The following CSMD1 variants were observed in gnomAD, a reference collection of about 807,000 sequenced individuals.
CSMD1 encodes the protein CUB and sushi domain-containing protein 1.
A neutral mutation model predicts 417.5 loss-of-function variants in CSMD1; 213 were observed. The ratio of observed to expected loss-of-function variants is 0.51; its 90% CI spans 0.46 to 0.57. CSMD1 has a LOEUF of 0.57. Ranked by LOEUF, CSMD1 falls within the 20% of genes least tolerant of loss-of-function variation. The pLI, the probability that CSMD1 is intolerant of heterozygous loss-of-function variation, is 0.00. For missense variants in CSMD1, 6,923 were observed against 4,529.7 expected (o/e 1.53, Z -15.17); for synonymous variants, 2,862 against 1,736.8 (o/e 1.65, Z -16.11).
intron 23 of CSMD1, among the ~76,000 whole-genome samples, chr8:3,317,014 G>C (rs1805816650): frequency 1.3e-5 from 2 of 152,108 alleles, no homozygotes; most frequent in South Asian, 4.1e-4. Flanking sequence ...GATGAAGCAT[G>C]CACAAATACT....
At chr8:3,620,044 G>C (rs894275420) in intron 7 of CSMD1, among the ~76,000 whole-genome samples, 2 of 152,160 alleles carry the variant, frequency 1.3e-5, no homozygotes, top group African/African-American at 2.4e-5. Flanking sequence ...AGATGTTGCA[G>C]TGAGCTGAGA....
intron 5 of CSMD1, among the ~76,000 whole-genome samples, chr8:3,909,708 G>T (rs1012917615): frequency 6.6e-6 from 1 of 152,060 alleles, no homozygotes; most frequent in Admixed American, 6.6e-5. Flanking sequence ...AAATTCTTGC[G>T]GCTTGTGTAG....
intron 33 of CSMD1, among the ~76,000 whole-genome samples, chr8:3,190,679 G>A (rs1585607344): frequency 6.6e-6 from 1 of 152,082 alleles, no homozygotes; most frequent in Admixed American, 6.6e-5. Context: ...GAGAAAAATC[G>A]GTACTCTCAC....
intron 26 of CSMD1, among the ~76,000 whole-genome samples, chr8:3,276,877 C>T (rs1282275169): frequency 6.6e-6 from 1 of 152,100 alleles, no homozygotes; most frequent in Non-Finnish European, 1.5e-5. Flanking sequence ...TCTAGGAAAA[C>T]AAAGACCATC....
At chr8:4,077,949 C>G (rs890378893) in intron 3 of CSMD1, among the ~76,000 whole-genome samples, 1 of 152,108 alleles carries the variant, frequency 6.6e-6, no homozygotes, top group African/African-American at 2.4e-5. Flanking sequence ...CATACCCATA[C>G]TCGCCCTGCA....
chr8:4,120,094 G>C (rs35664516), intron 3 of CSMD1, among the ~76,000 whole-genome samples: 23,601 of 152,118 alleles, frequency 0.16, 2,016 homozygotes, highest in South Asian at 0.3. Flanking sequence ...AAATGCTTGA[G>C]GGGATGGACA....
At chr8:3,286,293 G>A (rs1171048809) in intron 25 of CSMD1, among the ~76,000 whole-genome samples, 1 of 152,142 alleles carries the variant, frequency 6.6e-6, no homozygotes, top group African/African-American at 2.4e-5. Context: ...ACATACGTGT[G>A]CATGTGTCTT....
chr8:3,087,155 G>C lies in CSMD1; in HGVS notation c.7416C>G (p.Thr2472=). 1.2e-6 allele frequency: 2 copies of C among 1,613,932 alleles called. No homozygotes were observed. Among genetic ancestry groups the C allele is most frequent in the South Asian group, 2.2e-5 (2 of 91,066 alleles). ...ACATGCCAAGTGGGTTTCGTCTACA[G>C]GTTGCATTGCTGTGGCCGACCATTC... ...GYRMVGHSNA[T]CRRNPLGMYQ... is the part of the protein sequence containing the mutation. The change falls in exon 49 of 70, where the codon ACC becomes ACG. Residue 2472 remains threonine (T), a synonymous_variant. Transcript: ENST00000635120.
At chr8:4,844,008 G>A (rs1365428917) in intron 1 of CSMD1, among the ~76,000 whole-genome samples, 1 of 152,188 alleles carries the variant, frequency 6.6e-6, no homozygotes, top group African/African-American at 2.4e-5. Context: ...AGACATTTGA[G>A]AAGGATGCTC....
At chr8:3,910,263 C>A (rs572161790) in intron 5 of CSMD1, among the ~76,000 whole-genome samples, 1 of 152,080 alleles carries the variant, frequency 6.6e-6, no homozygotes, top group Admixed American at 6.6e-5. Flanking sequence ...AGAGGCGTTT[C>A]CCAGCTGCTC....
intron 3 of CSMD1, among the ~76,000 whole-genome samples, chr8:4,410,881 C>G (rs1444489632): frequency 1.3e-5 from 2 of 152,120 alleles, no homozygotes; most frequent in African/African-American, 4.8e-5. Flanking sequence ...AGGAGGAGGG[C>G]TTAGAGGTTA....
chr8:4,674,716 CAAATACATATAG>C (rs964584329), intron 1 of CSMD1, among the ~76,000 whole-genome samples: 2 of 152,056 alleles, frequency 1.3e-5, no homozygotes, highest in African/African-American at 4.8e-5. Flanking sequence ...GAGAGTAGTG[CAAATACATATAG>C]AAGAAAATGC....
chr8:4,449,139 G>C (rs1384567684), intron 2 of CSMD1, among the ~76,000 whole-genome samples: 2 of 152,154 alleles, frequency 1.3e-5, no homozygotes, highest in East Asian at 1.9e-4. Context: ...AGTCTAACCA[G>C]ACTTTGCAAA....
chr8:4,044,726 A>G (rs77541732), intron 3 of CSMD1, among the ~76,000 whole-genome samples: 7 of 23,228 alleles, frequency 3.0e-4, no homozygotes, highest in Non-Finnish European at 6.3e-4. Context: ...AGCACCCTGG[A>G]CACGTACCAC....
intron 7 of CSMD1, among the ~76,000 whole-genome samples, chr8:3,629,027 G>A (rs1796638506): frequency 6.6e-6 from 1 of 152,172 alleles, no homozygotes; most frequent in Admixed American, 6.5e-5. Flanking sequence ...TCTAACCTTT[G>A]CTTCAAGGAA....
intron 5 of CSMD1, among the ~76,000 whole-genome samples, chr8:3,875,517 A>T (rs1805757205): frequency 6.6e-6 from 1 of 152,050 alleles, no homozygotes; most frequent in South Asian, 2.1e-4. Flanking sequence ...AGAAAAGGGG[A>T]GGAAGCAGCC....
At chr8:3,001,032 T>C (rs1807363673) in intron 52 of CSMD1, among the ~76,000 whole-genome samples, 1 of 151,822 alleles carries the variant, frequency 6.6e-6, no homozygotes, top group South Asian at 2.1e-4. Flanking sequence ...CAAGCTGGAA[T>C]GCAGTGGCAC....
intron 12 of CSMD1, among the ~76,000 whole-genome samples, chr8:3,460,649 A>T (rs1033896271): frequency 2.6e-5 from 4 of 152,154 alleles, no homozygotes; most frequent in Non-Finnish European, 5.9e-5. Context: ...TATTTACTAG[A>T]CGGAACTGAC....
Position 3,394,012 on chromosome 8 carries a change from T to TAAATTTTATATA in CSMD1, c.2593+2181_2593+2182insTATATAAAATTT, listed in dbSNP as rs1554536992. On this transcript the variant is annotated intron_variant, in intron 17 of 69. Coordinates refer to ENST00000635120, the MANE Select transcript of CSMD1 (RefSeq NM_033225.6). Reference sequence around the variant, plus strand: ...ATAATAATAATAATAAAAAAATAAATTATATATATATATATATATATATAT... The same window carrying TAAATTTTATATA: ...ATAATAATAATAATAAAAAAATAAATAAATTTTATATATATATATATATATATATATATATAT... 7.1e-3 allele frequency among the ~76,000 whole-genome samples: 221 copies of TAAATTTTATATA among 31,332 alleles called. 2 individuals carry two copies. Among genetic ancestry groups the TAAATTTTATATA allele is most frequent in the Non-Finnish European group, 9.0e-3 (151 of 16,702 alleles). 20.6% of individuals were successfully genotyped at this position (31,332 alleles called of 152,430 possible).
Sources: allele counts gnomAD v4.1 joint callset (sites outside exome capture counted in the v4.1 genomes callset), GRCh38; gene constraint gnomAD v4.1.1; transcripts MANE v1.5; gene names NCBI Gene and HGNC (gene_info 2026-07-23, HGNC 2026-07-21).